DOCK7: variants seen among roughly 807,000 people sequenced by gnomAD.
DOCK7 encodes the protein dedicator of cytokinesis protein 7.
Under a neutral mutation model 271.0 loss-of-function variants are expected in DOCK7, and 138 were observed. The ratio of observed to expected loss-of-function variants is 0.51; its 90% CI spans 0.44 to 0.59. The LOEUF (loss-of-function observed/expected upper bound fraction) is 0.59. DOCK7 is among the 20% of genes least tolerant of loss of function. The probability of loss-of-function intolerance (pLI) is 0.00; values close to 1 mark genes in which losing one functional copy is unlikely to be tolerated. For synonymous variants in DOCK7, 823 were observed against 876.1 expected (o/e 0.94, Z 1.07); for missense variants, 2,066 against 2,592.4 (o/e 0.80, Z 4.41).
intron 18 of DOCK7, among the ~76,000 whole-genome samples, chr1:62,572,044 T>C (rs974762638): frequency 2.0e-5 from 3 of 152,180 alleles, no homozygotes; most frequent in African/African-American, 7.2e-5. Context: ...ATCCTGCACA[T>C]GTACTCCAGA....
intron 14 of DOCK7, among the ~76,000 whole-genome samples, chr1:62,612,186 T>C (rs996447617): frequency 2.0e-5 from 3 of 151,972 alleles, no homozygotes; most frequent in African/African-American, 7.2e-5. Context: ...CCTTATCTGT[T>C]AGAGATACAT....
intron 22 of DOCK7, among the ~76,000 whole-genome samples, chr1:62,549,703 GTATTTACCTAT>G (rs1645830542): frequency 6.6e-6 from 1 of 151,722 alleles, no homozygotes; most frequent in East Asian, 1.9e-4. Context: ...ATAATAAACA[GTATTTACCTAT>G]TTAATTATAC....
chr1:62,669,004 G>A (rs1659635178), intron 1 of DOCK7, among the ~76,000 whole-genome samples: 1 of 151,686 alleles, frequency 6.6e-6, no homozygotes, highest in African/African-American at 2.4e-5. Context: ...GAAGTAAGAT[G>A]GGGCAAATAA....
intron 7 of DOCK7, among the ~76,000 whole-genome samples, chr1:62,639,070 C>G (rs150794042): frequency 1.3e-5 from 2 of 152,210 alleles, no homozygotes; most frequent in African/African-American, 4.8e-5. Context: ...TTCCTCTACT[C>G]CAGTGCTCTA....
intron 18 of DOCK7, among the ~76,000 whole-genome samples, chr1:62,569,707 C>T (rs372518321): frequency 4.3e-4 from 53 of 123,388 alleles, no homozygotes; most frequent in African/African-American, 1.5e-3. Flanking sequence ...CACCACTCTC[C>T]CCCCTCCCCC....
Position 62,462,823 on chromosome 1 carries a change from T to C in DOCK7, c.6213-5118A>G, listed in dbSNP as rs570256889. On this transcript the variant is annotated intron_variant, in intron 48 of 49. Transcript: ENST00000635253. ...ACTACGTAGACTTGAACTTCTGGCC[T>C]CAAGCCATCATTCTACTTTGGCCTC... Among the ~76,000 whole-genome samples the C allele has an allele frequency of 2.0e-5, 3 of 150,164 alleles. No individual in the cohort carries two copies. In the East Asian group the frequency reaches 6.0e-4, roughly 30 times the overall value.
intron 7 of DOCK7, among the ~76,000 whole-genome samples, chr1:62,645,243 A>C (rs1437812025): frequency 6.6e-6 from 1 of 152,158 alleles, no homozygotes; most frequent in Non-Finnish European, 1.5e-5. Context: ...ACAAAAACCT[A>C]TATACAAATT....
chr1:62,615,723 CT>C (rs1366880499), intron 14 of DOCK7, among the ~76,000 whole-genome samples: 1 of 151,500 alleles, frequency 6.6e-6, no homozygotes, highest in African/African-American at 2.4e-5. Context: ...TTAATGAGTC[CT>C]TTTTTAAAAG....
At chr1:62,456,784 G>A (rs1645361602) in intron 49 of DOCK7, among the ~76,000 whole-genome samples, 1 of 152,052 alleles carries the variant, frequency 6.6e-6, no homozygotes, top group African/African-American at 2.4e-5. Context: ...GACCTGGTGG[G>A]TATAAGACTG....
Position 62,559,194 on chromosome 1 carries a change from A to G in DOCK7, c.2226T>C (p.Ala742=). 6.2e-7 allele frequency: 1 copy of G among 1,612,654 alleles called. No homozygotes were observed. Among genetic ancestry groups the G allele is most frequent in the Non-Finnish European group, 8.5e-7 (1 of 1,179,074 alleles). The change falls in exon 20 of 50, where the codon GCT becomes GCC. Residue 742 remains alanine (A), a synonymous_variant. Coordinates refer to ENST00000635253, the MANE Select transcript of DOCK7 (RefSeq NM_001367561.1). ...GGTGTTCATCCAGAGCATTGACCAGAGCAAAAAATTTGTCAAGATAAGGAT... is the reference window on the plus strand; with the variant it reads ...GGTGTTCATCCAGAGCATTGACCAGGGCAAAAAATTTGTCAAGATAAGGAT... ...TQDPYLDKFF[A]LVNALDEHLF...
At chr1:62,674,940 A>G (rs1019525314) in intron 1 of DOCK7, among the ~76,000 whole-genome samples, 2 of 152,224 alleles carry the variant, frequency 1.3e-5, no homozygotes, top group Admixed American at 6.5e-5. Flanking sequence ...AAAGAAAAAA[A>G]CTGATGAACT....
chr1:62,618,842 C>T lies in DOCK7; in HGVS notation c.1546G>A (p.Ala516Thr), dbSNP rs775987794. 58 of 1,613,364 alleles carry T rather than the reference C, an allele frequency of 3.6e-5. No individual in the cohort carries two copies. Among genetic ancestry groups the T allele is most frequent in the South Asian group, 6.6e-5 (6 of 91,058 alleles). Residue 516 changes from alanine to threonine, a missense_variant, in exon 14 of 50, where the codon GCA becomes ACA. Ala to Thr is a moderately conservative substitution (Grantham distance 58, BLOSUM62 0). This residue lies in a region of DOCK7 where 1,414 missense variants were observed against 1,670.4 expected (regional missense o/e 0.85). Coordinates refer to ENST00000635253, the MANE Select transcript of DOCK7 (RefSeq NM_001367561.1). ...AGGCAATAATGGGGATTTTCAGGTG[C>T]GGGAGAAATGTCTATCTTGAGCTGA... is the stretch of plus-strand genomic sequence containing the variant. ...TAQLKIDISPAPENPHYCLTP... is the reference protein window; with the variant it reads ...TAQLKIDISPTPENPHYCLTP...
At chr1:62,679,827 C>T (rs1660911659) in intron 1 of DOCK7, among the ~76,000 whole-genome samples, 1 of 152,176 alleles carries the variant, frequency 6.6e-6, no homozygotes, top group Non-Finnish European at 1.5e-5. Context: ...ATCCAACTTA[C>T]AAGGGATGTG....
intron 11 of DOCK7, among the ~76,000 whole-genome samples, chr1:62,626,753 T>G (rs968235092): frequency 6.6e-6 from 1 of 152,074 alleles, no homozygotes; most frequent in Non-Finnish European, 1.5e-5. Flanking sequence ...ATCGAGTTAG[T>G]AATGAAAAAA....
chr1:62,675,484 A>G (rs1660448852), intron 1 of DOCK7, among the ~76,000 whole-genome samples: 1 of 152,082 alleles, frequency 6.6e-6, no homozygotes, highest in African/African-American at 2.4e-5. Context: ...ATAAGCACAT[A>G]AAAAAGGTCA....
At chr1:62,671,009 C>T (rs1414572337) in intron 1 of DOCK7, among the ~76,000 whole-genome samples, 6 of 152,000 alleles carry the variant, frequency 3.9e-5, no homozygotes, top group Admixed American at 3.9e-4. Flanking sequence ...ACGAGCCCAC[C>T]GGGAGGAACG....
intron 38 of DOCK7, chr1:62,495,966 C>A: frequency 2.7e-6 from 1 of 365,392 alleles, no homozygotes; most frequent in Admixed American, 4.7e-5. Context: ...TACAAGAATA[C>A]AAAAGGAAAA....
At chr1:62,583,388 CT>C in intron 15 of DOCK7, 134 bp from the exon 16 acceptor site, 1 of 666,394 alleles carries the variant, frequency 1.5e-6, no homozygotes, top group South Asian at 2.3e-5. Context: ...AACAATGTGC[CT>C]ACTGACGTTC....
At chr1:62,526,114 G>T (rs1645000230) in intron 31 of DOCK7, among the ~76,000 whole-genome samples, 2 of 151,878 alleles carry the variant, frequency 1.3e-5, no homozygotes, top group Admixed American at 6.6e-5. Flanking sequence ...TATTTTTTGT[G>T]GTTTTGGATA....
Sources: gnomAD v4.1 joint callset for allele counts (sites outside exome capture counted in the v4.1 genomes callset) on GRCh38, gnomAD v4.1.1 for gene constraint, gnomAD v4.1.1 regional missense constraint, MANE v1.5 for transcripts, NCBI Gene and HGNC (gene_info 2026-07-23, HGNC 2026-07-21) for gene names.